Variants in RAD51B observed in about 807,000 individuals in gnomAD.
RAD51B encodes RAD51 paralog B, also known as DNA repair protein RAD51 homolog 2.
Under a neutral mutation model 42.2 loss-of-function variants are expected in RAD51B, and 38 were observed. The observed-to-expected ratio is 0.90, with a 90% CI of 0.70 to 1.18. The LOEUF (loss-of-function observed/expected upper bound fraction) is 1.18, where lower values mean the gene tolerates loss of function less well. RAD51B is among the 50% of genes most tolerant of loss of function. The probability of loss-of-function intolerance (pLI) is 0.00; values close to 1 mark genes in which losing one functional copy is unlikely to be tolerated. For missense variants in RAD51B, 373 were observed against 400.7 expected, an observed-to-expected ratio of 0.93 and a Z score of 0.59; for synonymous variants, 154 against 145.2, an observed-to-expected ratio of 1.06 and a Z score of -0.43.
Position 68,291,992 on chromosome 14 carries a change from G to A in RAD51B, c.853+12G>A. 1 of 1,599,842 alleles carries A rather than the reference G, an allele frequency of 6.3e-7. No homozygotes were observed. Among genetic ancestry groups the A allele is most frequent in the Non-Finnish European group, 8.6e-7 (1 of 1,167,148 alleles). ...GTCCCTGTCTGAAGGTAAGGAATCTGTCCTGGAGAGGCTGAAACTTGACAC... is the reference window on the plus strand; with the variant it reads ...GTCCCTGTCTGAAGGTAAGGAATCTATCCTGGAGAGGCTGAAACTTGACAC... On this transcript the variant is annotated intron_variant, in intron 8 of 10. Transcript: ENST00000471583.
chr14:68,449,774 G>A (rs567307781), intron 9 of RAD51B, among the ~76,000 whole-genome samples: 1 of 151,874 alleles, frequency 6.6e-6, no homozygotes, highest in Non-Finnish European at 1.5e-5. Flanking sequence ...CTAGAGTCCC[G>A]GCTGACTCCC....
Position 67,832,841 on chromosome 14 carries a change from G to A in RAD51B, c.199-2239G>A, listed in dbSNP as rs191073790. ...AAATGTAAAGCAGACCATTAACAAA[G>A]GGAGGTTGTCAAAAGCCCTTAAAAG... On this transcript the variant is annotated intron_variant, in intron 3 of 10. Coordinates refer to ENST00000471583, the MANE Select transcript of RAD51B (RefSeq NM_133510.4). Among the ~76,000 whole-genome samples the A allele has an allele frequency of 1.7e-4, 26 of 152,166 alleles. 1 individual carries two copies. In the East Asian group the frequency reaches 5.0e-3, roughly 29 times the overall value.
chr14:68,569,808 G>C (rs901770955), intron 10 of RAD51B, among the ~76,000 whole-genome samples: 3 of 152,174 alleles, frequency 2.0e-5, no homozygotes, highest in African/African-American at 7.2e-5. Flanking sequence ...CTTCCCACTG[G>C]CTGTTCAGTA....
intron 7 of RAD51B, among the ~76,000 whole-genome samples, chr14:67,904,852 C>T (rs938184547): frequency 6.6e-6 from 1 of 151,156 alleles, no homozygotes. Context: ...AATATTTTCT[C>T]CCTTTAGGTT....
chr14:68,232,964 T>C (rs1199551522), intron 7 of RAD51B, among the ~76,000 whole-genome samples: 1 of 152,222 alleles, frequency 6.6e-6, no homozygotes, highest in African/African-American at 2.4e-5. Flanking sequence ...TGTTGGTCTA[T>C]AGAAAAATCT....
intron 10 of RAD51B, among the ~76,000 whole-genome samples, chr14:68,572,531 G>T (rs1889758180): frequency 1.3e-5 from 2 of 152,192 alleles, no homozygotes; most frequent in Admixed American, 1.3e-4. Context: ...TTACTCTGCT[G>T]GGGCCCAACT....
At chr14:68,605,497 G>A (rs1328472155) in intron 10 of RAD51B, among the ~76,000 whole-genome samples, 3 of 152,158 alleles carry the variant, frequency 2.0e-5, no homozygotes, top group South Asian at 2.1e-4. Flanking sequence ...ACTAAAACCC[G>A]ACTGGCTAAC....
intron 10 of RAD51B, among the ~76,000 whole-genome samples, chr14:68,606,756 G>T (rs1315411458): frequency 1.3e-5 from 2 of 152,230 alleles, no homozygotes; most frequent in Non-Finnish European, 2.9e-5. Flanking sequence ...AGATGACACA[G>T]TTTGTTATTA....
intron 7 of RAD51B, among the ~76,000 whole-genome samples, chr14:67,897,948 G>A (rs963891104): frequency 1.3e-5 from 2 of 152,096 alleles, no homozygotes; most frequent in African/African-American, 2.4e-5. Context: ...CACCATGCCT[G>A]GTCCCTTGTT....
intron 4 of RAD51B, among the ~76,000 whole-genome samples, chr14:67,860,074 G>A (rs1310225504): frequency 2.0e-5 from 3 of 152,026 alleles, no homozygotes; most frequent in South Asian, 2.1e-4. Flanking sequence ...TGCCCACCTC[G>A]GCCTCCCAAA....
At chr14:68,119,961 C>T (rs2077619164) in intron 7 of RAD51B, among the ~76,000 whole-genome samples, 1 of 151,596 alleles carries the variant, frequency 6.6e-6, no homozygotes, top group Admixed American at 6.6e-5. Context: ...CCTATTTCTC[C>T]ACATCCTCTC....
chr14:68,391,136 GTCTTTCTTTCTTTCTT>G (rs36073427), intron 8 of RAD51B, among the ~76,000 whole-genome samples: 225 of 141,676 alleles, frequency 1.6e-3, no homozygotes, highest in South Asian at 5.8e-3. Flanking sequence ...TATGAGACTT[GTCTTTCTTTCTTTCTT>G]TCTTTCTTTC....
intron 7 of RAD51B, among the ~76,000 whole-genome samples, chr14:67,962,912 C>A (rs1282373149): frequency 6.6e-6 from 1 of 152,102 alleles, no homozygotes; most frequent in African/African-American, 2.4e-5. Context: ...GATTATTAAT[C>A]TTATTCATAG....
At chr14:68,371,278 G>C (rs1471925212) in intron 8 of RAD51B, among the ~76,000 whole-genome samples, 4 of 152,038 alleles carry the variant, frequency 2.6e-5, no homozygotes, top group Non-Finnish European at 4.4e-5. Context: ...CAGCACTTTG[G>C]GAGGCTGAGG....
intron 7 of RAD51B, among the ~76,000 whole-genome samples, chr14:68,118,585 T>G (rs559018378): frequency 1.3e-5 from 2 of 152,338 alleles, no homozygotes; most frequent in South Asian, 4.1e-4. Flanking sequence ...ATTGCAGCAA[T>G]AAGAAGAAGG....
intron 7 of RAD51B, among the ~76,000 whole-genome samples, chr14:68,106,414 G>T (rs893414837): frequency 6.6e-5 from 10 of 151,816 alleles, no homozygotes; most frequent in Admixed American, 5.3e-4. Flanking sequence ...GATGTGGTAG[G>T]TTTTTTTATT....
At chr14:68,178,121 A>G (rs2078995143) in intron 7 of RAD51B, among the ~76,000 whole-genome samples, 1 of 152,132 alleles carries the variant, frequency 6.6e-6, no homozygotes. Flanking sequence ...ACAAACAGCA[A>G]GTATAAACTG....
At position 67,940,683 on chromosome 14, in the gene RAD51B, T is replaced by C. The variant is rs146082070; in HGVS notation, c.756+53479T>C. Reference sequence around the variant, plus strand: ...ACCTCAGTGTGTGTGTTTGTATCTGTATTTAATGATGTTTGTGCTTGGCTT... The same window carrying C: ...ACCTCAGTGTGTGTGTTTGTATCTGCATTTAATGATGTTTGTGCTTGGCTT... On this transcript the variant is annotated intron_variant, in intron 7 of 10. Transcript: ENST00000471583. 4.5e-4 allele frequency among the ~76,000 whole-genome samples: 68 copies of C among 152,262 alleles called. 1 individual carries two copies. The East Asian group carries it at 0.012, about 27-fold the overall frequency.
intron 11 of RAD51B, among the ~76,000 whole-genome samples, chr14:68,679,864 GT>G (rs1893390193): frequency 1.3e-5 from 2 of 152,216 alleles, no homozygotes; most frequent in African/African-American, 4.8e-5. Flanking sequence ...TCCCAAGCGA[GT>G]AGTCCATATG....
Sources: allele counts gnomAD v4.1 joint callset (sites outside exome capture counted in the v4.1 genomes callset), GRCh38; gene constraint gnomAD v4.1.1; transcripts MANE v1.5; gene names NCBI Gene and HGNC (gene_info 2026-07-23, HGNC 2026-07-21).